Variants in SESN1 observed in about 807,000 individuals in gnomAD.
The protein encoded by SESN1 is sestrin 1.
A neutral mutation model predicts 59.3 loss-of-function variants in SESN1; 30 were observed. The ratio of observed to expected loss-of-function variants is 0.51; its 90% confidence interval spans 0.38 to 0.69. The LOEUF (loss-of-function observed/expected upper bound fraction) is 0.69. Among genes scored for constraint, SESN1 ranks in the 30% least tolerant of loss-of-function variants. The pLI is 0.00. For missense variants in SESN1, 566 were observed against 673.0 expected, an observed-to-expected ratio of 0.84 and a Z score of 1.76; for synonymous variants, 197 against 219.9, an observed-to-expected ratio of 0.90 and a Z score of 0.92.
intron 1 of SESN1, among the ~76,000 whole-genome samples, chr6:109,076,282 C>A (rs1414716901): frequency 1.3e-5 from 2 of 152,180 alleles, no homozygotes; most frequent in African/African-American, 4.8e-5. Context: ...GGCTGAATAT[C>A]AGTCCTAGTT....
At position 108,990,523 on chromosome 6, in the gene SESN1, A is replaced by T. The variant is rs188691513; in HGVS notation, c.1424+122T>A. The stretch of plus-strand genomic sequence containing the variant: ...TTTGAAGCATAAATAGCATAAAAAT[A>T]AGTTATTGGGGAGGGGATGGGTTTT... On this transcript the variant is annotated intron_variant, in intron 8 of 9. Coordinates refer to ENST00000436639, the MANE Select transcript of SESN1 (RefSeq NM_014454.3). The T allele has an allele frequency of 2.8e-5, 24 of 858,002 alleles. No homozygotes were observed. The African/African-American group carries it at 4.0e-4, about 14-fold the overall frequency. 53.1% of individuals were successfully genotyped at this position (858,002 alleles called of 1,614,324 possible).
chr6:109,069,943 A>C (rs569928989), intron 1 of SESN1, among the ~76,000 whole-genome samples: 2 of 152,328 alleles, frequency 1.3e-5, no homozygotes, highest in African/African-American at 4.8e-5. Flanking sequence ...TGATGAAACC[A>C]CATCTTATTA....
intron 1 of SESN1, among the ~76,000 whole-genome samples, chr6:109,073,965 T>G (rs1328449246): frequency 6.6e-6 from 1 of 152,206 alleles, no homozygotes; most frequent in Non-Finnish European, 1.5e-5. Context: ...TATTGGGACA[T>G]ACAGTCACGT....
At position 109,009,764 on chromosome 6, in the gene SESN1, A is replaced by G. The variant is rs538452177; in HGVS notation, c.280-7421T>C. On this transcript the variant is annotated intron_variant, in intron 1 of 9. Coordinates refer to ENST00000436639, the MANE Select transcript of SESN1 (RefSeq NM_014454.3). ...GGTTCCCCACGAACAGCTAATTCTC[A>G]GGTACGGAATGGGCTCTGGAGGGCC... is the stretch of plus-strand genomic sequence containing the variant. Among the ~76,000 whole-genome samples, 27 of 152,130 alleles carry G rather than the reference A, an allele frequency of 1.8e-4. No individual in the cohort carries two copies. In the South Asian group the frequency reaches 5.6e-3, roughly 32 times the overall value.
rs746219216 is a variant in SESN1, at chr6:108,986,455, CTTCT to C, written c.*1085_*1088del. 6.6e-5 allele frequency: 10 copies of C among 152,614 alleles called. No homozygotes were observed. Among genetic ancestry groups the C allele is most frequent in the East Asian group, 1.9e-4 (1 of 5,192 alleles). The allele number at this position is 152,614 out of a possible 1,614,324, so 9.5% of individuals were successfully genotyped here. A position where few individuals can be genotyped will look rare whatever the true frequency, so the allele number is the denominator to read the frequency against. On this transcript the variant is annotated 3_prime_UTR_variant, in exon 10 of 10. Coordinates refer to ENST00000436639, the MANE Select transcript of SESN1 (RefSeq NM_014454.3). ...CAGCAAATAAAATTGGAGAAAAATT[CTTCT>C]TTATTTAAAAATACCAGTAATACTG...
chr6:109,014,718 C>T (rs978867181), intron 1 of SESN1, among the ~76,000 whole-genome samples: 1 of 152,086 alleles, frequency 6.6e-6, no homozygotes, highest in Non-Finnish European at 1.5e-5. Flanking sequence ...TCTGTCACTC[C>T]TCTCAGTGTC....
Position 109,091,982 on chromosome 6 carries a change from G to A in SESN1, c.279+1813C>T, listed in dbSNP as rs1760796611. Among the ~76,000 whole-genome samples the A allele has an allele frequency of 2.6e-5, 4 of 152,186 alleles. No individual in the cohort carries two copies. The South Asian group carries it at 8.3e-4, about 32-fold the overall frequency. ...TCTTAAGAACTCATAGCCTTCCTAT[G>A]GGAGACAGACACAAAAGCATGTGCT... On this transcript the variant is annotated intron_variant, in intron 1 of 9. Transcript: ENST00000436639.
intron 1 of SESN1, among the ~76,000 whole-genome samples, chr6:109,013,480 C>G (rs1184716393): frequency 6.6e-6 from 1 of 152,138 alleles, no homozygotes; most frequent in African/African-American, 2.4e-5. Context: ...CTCTCCTGAC[C>G]AAGTGGCTTC....
rs1184140759 is a variant in SESN1 at position 108,992,919 on chromosome 6, A to G, written c.1121-20T>C. The G allele has an allele frequency of 6.6e-6, 10 of 1,506,444 alleles. No homozygotes were observed. Among genetic ancestry groups the G allele is most frequent in the East Asian group, 4.5e-5 (2 of 44,278 alleles). The allele number at this position is 1,506,444 out of a possible 1,614,324, so 93.3% of individuals were successfully genotyped here. A position where few individuals can be genotyped will look rare whatever the true frequency, so the allele number is the denominator to read the frequency against. On this transcript the variant is annotated intron_variant, in intron 6 of 9. Coordinates refer to ENST00000436639, the MANE Select transcript of SESN1 (RefSeq NM_014454.3). The stretch of plus-strand genomic sequence containing the variant: ...CATCATCTGGGAAAAAAGGCCATTG[A>G]AAGGTTTTTAAAAATAGGATGCTAG...
At chr6:109,007,828 GA>G (rs1186911909) in intron 1 of SESN1, among the ~76,000 whole-genome samples, 1 of 115,750 alleles carries the variant, frequency 8.6e-6, no homozygotes, top group Non-Finnish European at 1.7e-5. Context: ...CTATATTTTA[GA>G]AAAAAAACTT....
chr6:109,041,829 A>G (rs1019246647), intron 1 of SESN1, among the ~76,000 whole-genome samples: 4 of 152,212 alleles, frequency 2.6e-5, no homozygotes, highest in Admixed American at 6.5e-5. Context: ...GAGGAACTCA[A>G]CAATATTATA....
intron 1 of SESN1, among the ~76,000 whole-genome samples, chr6:109,005,110 A>T (rs1302532270): frequency 1.3e-5 from 2 of 152,242 alleles, no homozygotes; most frequent in Non-Finnish European, 2.9e-5. Context: ...GTGAAATGCC[A>T]TACGTAAAAG....
intron 2 of SESN1, among the ~76,000 whole-genome samples, chr6:109,001,910 T>C (rs1387431789): frequency 1.3e-5 from 2 of 152,198 alleles, no homozygotes; most frequent in Non-Finnish European, 1.5e-5. Flanking sequence ...TTTATACATA[T>C]ATAGAATTAA....
At position 109,075,319 on chromosome 6, in the gene SESN1, T is replaced by C. The variant is rs564406084; in HGVS notation, c.279+18476A>G. On this transcript the variant is annotated intron_variant, in intron 1 of 9. Coordinates refer to ENST00000436639, the MANE Select transcript of SESN1 (RefSeq NM_014454.3). Reference sequence around the variant, plus strand: ...AATGATCCTCCTGGTATTCACTCTTTTCTGTAATCTGTTCCTTTTGAGTAT... The same window carrying C: ...AATGATCCTCCTGGTATTCACTCTTCTCTGTAATCTGTTCCTTTTGAGTAT... Among the ~76,000 whole-genome samples the C allele has an allele frequency of 2.6e-5, 4 of 152,316 alleles. No individual in the cohort carries two copies. The East Asian group carries it at 7.7e-4, about 29-fold the overall frequency.
intron 1 of SESN1, among the ~76,000 whole-genome samples, chr6:109,089,790 T>C (rs139851666): frequency 6.6e-6 from 1 of 152,318 alleles, no homozygotes; most frequent in African/African-American, 2.4e-5. Flanking sequence ...CCTTGATATC[T>C]ATCAGACCCA....
At chr6:109,058,547 C>T (rs1780675379) in intron 1 of SESN1, among the ~76,000 whole-genome samples, 1 of 152,158 alleles carries the variant, frequency 6.6e-6, no homozygotes, top group South Asian at 2.1e-4. Context: ...CTGTACAGAT[C>T]CCACATTGTC....
chr6:109,005,738 T>G (rs1583268199), intron 1 of SESN1, among the ~76,000 whole-genome samples: 1 of 152,198 alleles, frequency 6.6e-6, no homozygotes, highest in East Asian at 1.9e-4. Flanking sequence ...TGAAGAGTCC[T>G]AATCTGTAAA....
chr6:109,067,466 T>C (rs1331098761), intron 1 of SESN1, among the ~76,000 whole-genome samples: 2 of 152,094 alleles, frequency 1.3e-5, no homozygotes, highest in Non-Finnish European at 2.9e-5. Flanking sequence ...AAGATAACTG[T>C]CCTCCAAATT....
At chr6:109,023,940 T>G (rs1387726118) in intron 1 of SESN1, among the ~76,000 whole-genome samples, 2 of 152,166 alleles carry the variant, frequency 1.3e-5, no homozygotes, top group East Asian at 3.9e-4. Flanking sequence ...AAAGAATGAG[T>G]GATTTTTTTT....
Sources: allele counts gnomAD v4.1 joint callset (sites outside exome capture counted in the v4.1 genomes callset), GRCh38; gene constraint gnomAD v4.1.1; transcripts MANE v1.5; gene names NCBI Gene and HGNC (gene_info 2026-07-23, HGNC 2026-07-21).